The following ZC3HAV1 variants were observed in gnomAD, a reference collection of about 807,000 sequenced individuals.
ZC3HAV1 encodes zinc finger CCCH-type containing, antiviral 1, also known as zinc finger CCCH-type antiviral protein 1.
Under a neutral mutation model 86.6 loss-of-function variants are expected in ZC3HAV1, and 41 were observed. That is an observed-to-expected ratio of 0.47 (90% CI 0.37 to 0.61). ZC3HAV1 has a LOEUF of 0.61. Ranked by LOEUF, ZC3HAV1 falls within the 20% of genes least tolerant of loss-of-function variation. ZC3HAV1 has a pLI of 0.00. For missense variants in ZC3HAV1, 964 were observed against 1,141.1 expected (o/e 0.84, Z 2.24); for synonymous variants, 421 against 432.1 (o/e 0.97, Z 0.32).
chr7:139,100,797 ACGGTCTCCCTCTCCCTCTCTTTC>A (rs1817731392), intron 1 of ZC3HAV1, among the ~76,000 whole-genome samples: 1 of 149,850 alleles, frequency 6.7e-6, no homozygotes, highest in Non-Finnish European at 1.5e-5. Flanking sequence ...CTCTCTTTCC[ACGGTCTCCCTCTCCCTCTCTTTC>A]CACGGTCTCC....
At position 139,055,227 on chromosome 7, in the gene ZC3HAV1, A is replaced by G; in HGVS notation, c.2165T>C (p.Phe722Ser). Residue 722 changes from phenylalanine to serine, a missense_variant, in exon 10 of 13, where the codon TTC becomes TCC. Coordinates refer to ENST00000242351, the MANE Select transcript of ZC3HAV1 (RefSeq NM_020119.4). ...ATFRPQEDFC[F>S]LSSKKYKLSE... ...TACCTTATATTTCTTTGAGGATAGG[A>G]AGCAAAAGTCCTCCTGAGGACGAAA... 1 of 1,613,176 alleles carries G rather than the reference A, an allele frequency of 6.2e-7. No individual in the cohort carries two copies. The highest frequency in any genetic ancestry group is 8.5e-7 in the Non-Finnish European group (1 of 1,179,454).
intron 1 of ZC3HAV1, among the ~76,000 whole-genome samples, chr7:139,106,067 T>C (rs900825166): frequency 6.6e-6 from 1 of 151,802 alleles, no homozygotes; most frequent in Admixed American, 6.6e-5. Flanking sequence ...ATCACTCTAC[T>C]AAAAAAAATA....
At chr7:139,059,066 G>A (rs180719112) in intron 9 of ZC3HAV1, among the ~76,000 whole-genome samples, 1 of 152,278 alleles carries the variant, frequency 6.6e-6, no homozygotes, top group African/African-American at 2.4e-5. Context: ...ACACTTTTGT[G>A]AAGACATCCT....
At chr7:139,053,850 G>T (rs1052150019) in intron 11 of ZC3HAV1, 115 bp downstream of exon 11, 9 of 1,138,920 alleles carry the variant, frequency 7.9e-6, no homozygotes, top group African/African-American at 6.7e-5. Context: ...AAAGACTAGC[G>T]CCTAAAGGAA....
intron 1 of ZC3HAV1, among the ~76,000 whole-genome samples, chr7:139,098,273 G>A (rs1233745512): frequency 6.6e-6 from 1 of 152,152 alleles, no homozygotes; most frequent in Non-Finnish European, 1.5e-5. Context: ...TTTATTGTAT[G>A]TAAATCATAC....
At chr7:139,078,496 G>T in intron 5 of ZC3HAV1, 56 bp downstream of exon 5, 1 of 1,348,050 alleles carries the variant, frequency 7.4e-7, no homozygotes, top group Non-Finnish European at 1.0e-6. Context: ...TCATAGCAGT[G>T]TTATTTACAA....
intron 1 of ZC3HAV1, among the ~76,000 whole-genome samples, chr7:139,107,411 TC>T (rs1361974230): frequency 1.3e-5 from 2 of 152,254 alleles, no homozygotes; most frequent in African/African-American, 4.8e-5. Context: ...ATACATTGCG[TC>T]CTCTACCTCA....
At chr7:139,062,227 C>CCACA (rs10547164) in intron 8 of ZC3HAV1, among the ~76,000 whole-genome samples, 50 of 148,904 alleles carry the variant, frequency 3.4e-4, no homozygotes, top group Middle Eastern at 3.5e-3. Flanking sequence ...CAAACATAAA[C>CCACA]CACACACACA....
intron 6 of ZC3HAV1, 50 bp downstream of exon 6, chr7:139,076,236 C>T (rs1816938970): frequency 9.3e-6 from 15 of 1,611,926 alleles, no homozygotes; most frequent in Non-Finnish European, 1.3e-5. Flanking sequence ...CTAATGCTTC[C>T]CTTTGATAAT....
In ZC3HAV1 at chr7:139,109,219, C is replaced by G. The variant is rs1312784242; in HGVS notation, c.113G>C (p.Cys38Ser). ...QEIALSEPQL[C>S]EVLQVAGPDR... ...GGGCCCGGCCACCTGCAGCACCTCA[C>G]AGAGCTGCGGCTCAGACAGCGCGAT... Residue 38 changes from cysteine to serine, a missense_variant, in exon 1 of 13, where the codon TGT becomes TCT. Transcript: ENST00000242351. The G allele has an allele frequency of 1.2e-6, 2 of 1,610,362 alleles. No individual in the cohort carries two copies. The highest frequency in any genetic ancestry group is 1.7e-6 in the Non-Finnish European group (2 of 1,178,550).
chr7:139,078,719 G>A, intron 4 of ZC3HAV1, 66 bp from the exon 5 acceptor site: 1 of 1,158,540 alleles, frequency 8.6e-7, no homozygotes, highest in Non-Finnish European at 1.2e-6. Flanking sequence ...AAAGCACTTG[G>A]TCTCACAATG....
intron 3 of ZC3HAV1, among the ~76,000 whole-genome samples, chr7:139,083,020 T>A (rs1817169970): frequency 1.3e-5 from 2 of 152,126 alleles, no homozygotes; most frequent in Non-Finnish European, 2.9e-5. Context: ...TATATTCAGG[T>A]GTGAAATGTC....
chr7:139,073,077 C>A (rs1216247860), intron 7 of ZC3HAV1, among the ~76,000 whole-genome samples: 1 of 152,232 alleles, frequency 6.6e-6, no homozygotes. Context: ...GGGCGGATAA[C>A]CTGAGGTCAG....
chr7:139,073,889 A>T lies in ZC3HAV1; in HGVS notation c.1839T>A (p.Asn613Lys). The T allele has an allele frequency of 6.2e-7, 1 of 1,613,682 alleles. No homozygotes were observed. The highest frequency in any genetic ancestry group is 1.1e-5 in the South Asian group (1 of 91,058). Residue 613 changes from asparagine (N) to lysine (K), a missense_variant, in exon 7 of 13, where the codon AAT (asparagine) becomes AAA (lysine). By Grantham distance (94) the Asn-to-Lys change is moderately conservative. Transcript: ENST00000242351. ...CATACTGAATCCATGTGCCAGATTC[A>T]TTCTTCCAATACCAAATCCATTTGG... ...FTTKWIWYWK[N>K]ESGTWIQYGE...
chr7:139,056,230 A>T (rs1816276671), intron 9 of ZC3HAV1, among the ~76,000 whole-genome samples: 1 of 152,076 alleles, frequency 6.6e-6, no homozygotes, highest in Non-Finnish European at 1.5e-5. Flanking sequence ...GGCTCACTAT[A>T]TCCTCAACCT....
chr7:139,052,606 C>CAAAA (rs35386659), intron 12 of ZC3HAV1, among the ~76,000 whole-genome samples: 3 of 64,964 alleles, frequency 4.6e-5, no homozygotes, highest in Non-Finnish European at 1.1e-4. Context: ...ACTCTGTCTC[C>CAAAA]AAAAAAAAAA....
At chr7:139,075,177 T>C (rs1445357798) in intron 6 of ZC3HAV1, among the ~76,000 whole-genome samples, 1 of 152,066 alleles carries the variant, frequency 6.6e-6, no homozygotes, top group African/African-American at 2.4e-5. Flanking sequence ...GAAACCCGGC[T>C]CTCCACTTGC....
At chr7:139,070,408 T>A (rs2130691852) in intron 7 of ZC3HAV1, among the ~76,000 whole-genome samples, 1 of 152,266 alleles carries the variant, frequency 6.6e-6, no homozygotes, top group South Asian at 2.1e-4. Context: ...CTCACATCTG[T>A]AATCCCAGCA....
chr7:139,079,851 A>G lies in ZC3HAV1; in HGVS notation c.1090T>C (p.Ser364Pro). The G allele has an allele frequency of 6.2e-7, 1 of 1,614,136 alleles. No homozygotes were observed. The highest frequency in any genetic ancestry group is 1.1e-5 in the South Asian group (1 of 91,072). The change falls in exon 4 of 13, where the codon TCC (serine) becomes CCC (proline). Residue 364 changes from serine to proline, a missense_variant. Transcript: ENST00000242351. Reference sequence around the variant, plus strand: ...CTGGCGCCTTGGTCATTCGTCCAGGATGTGAGGCTCTTCCAGTTGGGGGCT... The same window carrying G: ...CTGGCGCCTTGGTCATTCGTCCAGGGTGTGAGGCTCTTCCAGTTGGGGGCT... ...TSAPNWKSLT[S>P]WTNDQGARRK...
Sources: gnomAD v4.1 joint callset for allele counts (sites outside exome capture counted in the v4.1 genomes callset) on GRCh38, gnomAD v4.1.1 for gene constraint, MANE v1.5 for transcripts, NCBI Gene and HGNC (gene_info 2026-07-23, HGNC 2026-07-21) for gene names.